The following CSMD1 variants were observed in gnomAD, a reference collection of about 807,000 sequenced individuals.
CSMD1 encodes the protein CUB and Sushi multiple domains 1, also known as CUB and sushi domain-containing protein 1.
In CSMD1, 213 loss-of-function variants were observed where a neutral mutation model predicts 417.5. The ratio of observed to expected loss-of-function variants is 0.51; its 90% CI spans 0.46 to 0.57. The LOEUF is 0.57. Among genes scored for constraint, CSMD1 ranks in the 20% least tolerant of loss-of-function variants. CSMD1 has a pLI of 0.00. For missense variants in CSMD1, 6,923 were observed against 4,529.7 expected (o/e 1.53, Z -15.17); for synonymous variants, 2,862 against 1,736.8 (o/e 1.65, Z -16.11).
intron 5 of CSMD1, among the ~76,000 whole-genome samples, chr8:3,853,787 T>A (rs1804086111): frequency 6.6e-6 from 1 of 151,306 alleles, no homozygotes; most frequent in Admixed American, 6.6e-5. Flanking sequence ...AGTTACTGGG[T>A]GCAGCACACC....
intron 1 of CSMD1, among the ~76,000 whole-genome samples, chr8:4,801,367 G>A (rs1798273119): frequency 6.6e-6 from 1 of 152,070 alleles, no homozygotes; most frequent in Non-Finnish European, 1.5e-5. Flanking sequence ...CCAGAACCCA[G>A]TACTGAGCAG....
intron 1 of CSMD1, among the ~76,000 whole-genome samples, chr8:4,824,117 C>T: frequency 6.6e-6 from 1 of 151,472 alleles, no homozygotes; most frequent in East Asian, 1.9e-4. Flanking sequence ...CACACTCTCC[C>T]TCTCACACGT....
Position 2,963,388 on chromosome 8 carries a change from C to A in CSMD1, c.9288G>T (p.Leu3096=). ...NPSKPVCKAV[L]CPQPPPVQNG... Reference sequence around the variant, plus strand: ...TCTGCACCGGCGGCGGCTGAGGACACAGCACGGCTATTTCCAAAGAACAAA... The same window carrying A: ...TCTGCACCGGCGGCGGCTGAGGACAAAGCACGGCTATTTCCAAAGAACAAA... Residue 3096 remains leucine, a synonymous_variant, in exon 60 of 70, where the codon CTG becomes CTT. Transcript: ENST00000635120. The A allele has an allele frequency of 6.2e-7, 1 of 1,613,812 alleles. No individual in the cohort carries two copies.
chr8:3,756,757 G>A (rs192405434), intron 5 of CSMD1, among the ~76,000 whole-genome samples: 19 of 151,946 alleles, frequency 1.3e-4, no homozygotes, highest in Admixed American at 5.9e-4. Flanking sequence ...TTTCTCACTC[G>A]CATTACTTAT....
intron 21 of CSMD1, among the ~76,000 whole-genome samples, chr8:3,348,506 C>T (rs571115434): frequency 6.4e-4 from 98 of 152,308 alleles, no homozygotes; most frequent in African/African-American, 2.2e-3. Context: ...CTCTCCCACC[C>T]ACCTCATTCC....
At position 3,242,282 on chromosome 8, in the gene CSMD1, C is replaced by G. The variant is rs796259873; in HGVS notation, c.4154-12051G>C. Among the ~76,000 whole-genome samples, 10 of 150,838 alleles carry G rather than the reference C, an allele frequency of 6.6e-5. No individual in the cohort carries two copies. In the East Asian group the frequency reaches 1.4e-3, roughly 21 times the overall value. Reference sequence around the variant, plus strand: ...GCTGAGGAAGATTTGGGACCTAGCTCGGCCTGGGGAGGAAGGGAGAGGTCA... The same window carrying G: ...GCTGAGGAAGATTTGGGACCTAGCTGGGCCTGGGGAGGAAGGGAGAGGTCA... On this transcript the variant is annotated intron_variant, in intron 26 of 69. Transcript: ENST00000635120.
At chr8:4,407,652 G>A (rs1420506786) in intron 3 of CSMD1, among the ~76,000 whole-genome samples, 1 of 152,118 alleles carries the variant, frequency 6.6e-6, no homozygotes, top group African/African-American at 2.4e-5. Context: ...GTTAATTAGT[G>A]CCTTTGTCTT....
At chr8:4,918,218 G>A (rs972643985) in intron 1 of CSMD1, among the ~76,000 whole-genome samples, 1 of 152,210 alleles carries the variant, frequency 6.6e-6, no homozygotes, top group African/African-American at 2.4e-5. Context: ...TGCTGATCGA[G>A]GGATCAAGGA....
At chr8:4,172,145 A>T (rs1202969313) in intron 3 of CSMD1, among the ~76,000 whole-genome samples, 1 of 152,216 alleles carries the variant, frequency 6.6e-6, no homozygotes, top group Non-Finnish European at 1.5e-5. Context: ...TAAAATTTGA[A>T]AAGATGGACC....
At chr8:4,406,881 C>T (rs1055460661) in intron 3 of CSMD1, among the ~76,000 whole-genome samples, 3 of 152,142 alleles carry the variant, frequency 2.0e-5, no homozygotes, top group African/African-American at 4.8e-5. Context: ...TATTGAGGGC[C>T]ATTTACTTTC....
intron 2 of CSMD1, among the ~76,000 whole-genome samples, chr8:4,458,758 T>C (rs1799635383): frequency 6.6e-6 from 1 of 152,174 alleles, no homozygotes; most frequent in South Asian, 2.1e-4. Flanking sequence ...CAAAAACATT[T>C]TATGCATTGA....
intron 3 of CSMD1, among the ~76,000 whole-genome samples, chr8:4,264,957 G>C (rs1213993321): frequency 6.6e-6 from 1 of 152,054 alleles, no homozygotes; most frequent in Admixed American, 6.6e-5. Context: ...TTTCGAACAG[G>C]ATAAAATATG....
At chr8:4,705,639 G>A (rs1382961558) in intron 1 of CSMD1, among the ~76,000 whole-genome samples, 1 of 152,160 alleles carries the variant, frequency 6.6e-6, no homozygotes, top group Non-Finnish European at 1.5e-5. Context: ...CGGCATGAAC[G>A]AAGCTCTTCT....
intron 3 of CSMD1, among the ~76,000 whole-genome samples, chr8:4,205,994 T>C (rs1799956479): frequency 6.6e-6 from 1 of 152,104 alleles, no homozygotes; most frequent in Non-Finnish European, 1.5e-5. Context: ...TTCAGGAATT[T>C]TCTTTCTCTT....
intron 5 of CSMD1, among the ~76,000 whole-genome samples, chr8:3,934,212 C>A (rs979025287): frequency 6.6e-6 from 1 of 152,172 alleles, no homozygotes; most frequent in Admixed American, 6.5e-5. Context: ...CATTACACTC[C>A]TACCTAATCA....
At chr8:3,903,233 C>T (rs912544411) in intron 5 of CSMD1, among the ~76,000 whole-genome samples, 8 of 152,066 alleles carry the variant, frequency 5.3e-5, no homozygotes, top group African/African-American at 1.7e-4. Context: ...CTAAAATTTA[C>T]TCCTTGTCTC....
rs571105506 is a variant in CSMD1, at chr8:4,624,416, C to A, written c.302+12926G>T. Among the ~76,000 whole-genome samples, 53 of 152,240 alleles carry A rather than the reference C, an allele frequency of 3.5e-4. No homozygotes were observed. The South Asian group carries it at 0.01, about 29-fold the overall frequency. ...GGGGTCAACTTCTTTGGATGCCTTTCCCAATCCTCTCTGGAATTACCAGCA... is the reference window on the plus strand; with the variant it reads ...GGGGTCAACTTCTTTGGATGCCTTTACCAATCCTCTCTGGAATTACCAGCA... On this transcript the variant is annotated intron_variant, in intron 2 of 69. Coordinates refer to ENST00000635120, the MANE Select transcript of CSMD1 (RefSeq NM_033225.6).
At chr8:4,649,373 A>G (rs997872175) in intron 1 of CSMD1, among the ~76,000 whole-genome samples, 11 of 152,166 alleles carry the variant, frequency 7.2e-5, no homozygotes, top group African/African-American at 2.4e-4. Flanking sequence ...CCATATTTTA[A>G]TCATCACAAA....
At chr8:3,485,885 G>C (rs913880682) in intron 11 of CSMD1, among the ~76,000 whole-genome samples, 3 of 152,008 alleles carry the variant, frequency 2.0e-5, no homozygotes, top group Non-Finnish European at 2.9e-5. Flanking sequence ...GAATATCCTG[G>C]TTGTGACATT....
Sources: allele counts gnomAD v4.1 joint callset (sites outside exome capture counted in the v4.1 genomes callset), GRCh38; gene constraint gnomAD v4.1.1; transcripts MANE v1.5; gene names NCBI Gene and HGNC (gene_info 2026-07-23, HGNC 2026-07-21).